The following RELN variants were observed in gnomAD, a reference collection of about 807,000 sequenced individuals.
RELN encodes the protein reelin.
A neutral mutation model predicts 427.6 loss-of-function variants in RELN; 108 were observed. That is an observed-to-expected ratio of 0.25 (90% CI 0.22 to 0.30). The LOEUF (loss-of-function observed/expected upper bound fraction) is 0.30, where lower values mean the gene tolerates loss of function less well. Ranked by LOEUF, RELN falls within the 10% of genes least tolerant of loss-of-function variation. The pLI, the probability that RELN is intolerant of heterozygous loss-of-function variation, is 1.00. For synonymous variants in RELN, 1,524 were observed against 1,513.4 expected, an observed-to-expected ratio of 1.01 and a Z score of -0.16; for missense variants, 3,715 against 4,302.8, an observed-to-expected ratio of 0.86 and a Z score of 3.82.
At chr7:103,743,473 G>A (rs908258513) in intron 6 of RELN, among the ~76,000 whole-genome samples, 6 of 152,126 alleles carry the variant, frequency 3.9e-5, no homozygotes, top group African/African-American at 1.4e-4. Flanking sequence ...CTGGCAAATT[G>A]GATAAAGACT....
At chr7:103,652,322 A>T (rs1257706442) in intron 14 of RELN, among the ~76,000 whole-genome samples, 1 of 151,400 alleles carries the variant, frequency 6.6e-6, no homozygotes, top group Non-Finnish European at 1.5e-5. Flanking sequence ...AACACCTCTG[A>T]TACCTAAGAT....
chr7:103,562,788 A>C (rs1388905572), intron 34 of RELN, among the ~76,000 whole-genome samples: 1 of 152,172 alleles, frequency 6.6e-6, no homozygotes, highest in Non-Finnish European at 1.5e-5. Context: ...TAATCACAGC[A>C]ACACTGTTTA....
chr7:103,823,885 TA>T (rs71154372), intron 3 of RELN, among the ~76,000 whole-genome samples: 77,280 of 151,784 alleles, frequency 0.51, 19,972 homozygotes, highest in Admixed American at 0.6. Context: ...ACTGCATTTT[TA>T]AAAAATTTAT....
chr7:103,655,709 G>A (rs962525175), intron 12 of RELN, among the ~76,000 whole-genome samples: 17 of 152,050 alleles, frequency 1.1e-4, no homozygotes, highest in African/African-American at 4.1e-4. Flanking sequence ...AGATATCAGA[G>A]GGCAAGACTT....
intron 1 of RELN, among the ~76,000 whole-genome samples, chr7:103,970,661 C>T (rs1203973975): frequency 6.6e-6 from 1 of 152,026 alleles, no homozygotes; most frequent in Non-Finnish European, 1.5e-5. Context: ...CGTTAATGAA[C>T]CAACAACATA....
intron 52 of RELN, 40 bp downstream of exon 52, chr7:103,502,976 G>C (rs754558037): frequency 6.5e-7 from 1 of 1,532,904 alleles, no homozygotes; most frequent in South Asian, 1.1e-5. Flanking sequence ...TGTACCTTCT[G>C]GATGCTTGGA....
intron 2 of RELN, among the ~76,000 whole-genome samples, chr7:103,842,028 C>A (rs1793563388): frequency 6.6e-6 from 1 of 151,764 alleles, no homozygotes; most frequent in African/African-American, 2.4e-5. Flanking sequence ...AAAAATATAA[C>A]CCCATATATA....
intron 22 of RELN, among the ~76,000 whole-genome samples, chr7:103,606,949 C>A (rs566626283): frequency 6.6e-6 from 1 of 151,764 alleles, no homozygotes; most frequent in African/African-American, 2.4e-5. Flanking sequence ...TTTGTCCTTG[C>A]GATAGTTTGC....
At chr7:103,772,852 T>C (rs1446225825) in intron 4 of RELN, among the ~76,000 whole-genome samples, 1 of 152,250 alleles carries the variant, frequency 6.6e-6, no homozygotes, top group Non-Finnish European at 1.5e-5. Context: ...TGATAAGCAG[T>C]AGGAATTTCA....
intron 4 of RELN, among the ~76,000 whole-genome samples, chr7:103,776,247 A>C (rs766916824): frequency 6.6e-6 from 1 of 152,238 alleles, no homozygotes; most frequent in Non-Finnish European, 1.5e-5. Flanking sequence ...TAAGTGGTAA[A>C]TTAAGCAGAC....
At chr7:103,480,346 CTATTA>C (rs1375318826) in intron 63 of RELN, among the ~76,000 whole-genome samples, 1 of 152,136 alleles carries the variant, frequency 6.6e-6, no homozygotes, top group Admixed American at 6.5e-5. Flanking sequence ...CTCTGGAAAA[CTATTA>C]TATTTAATTT....
intron 48 of RELN, among the ~76,000 whole-genome samples, chr7:103,520,957 A>ATT (rs55830035): frequency 0.018 from 1,434 of 79,094 alleles, 234 homozygotes; most frequent in African/African-American, 0.06. Flanking sequence ...TAAATTTGTT[A>ATT]TTTTTTTTTT....
intron 3 of RELN, among the ~76,000 whole-genome samples, chr7:103,821,899 C>A (rs181393546): frequency 6.6e-6 from 1 of 152,220 alleles, no homozygotes; most frequent in Admixed American, 6.6e-5. Flanking sequence ...ATAATCCCTT[C>A]TATAAATACT....
intron 28 of RELN, among the ~76,000 whole-genome samples, chr7:103,580,205 A>G (rs1422508811): frequency 6.6e-6 from 1 of 152,260 alleles, no homozygotes; most frequent in Non-Finnish European, 1.5e-5. Context: ...AACACTTAGA[A>G]TTCTCAGTTT....
chr7:103,545,089 C>G, intron 42 of RELN, 35 bp downstream of exon 42: 2 of 1,551,638 alleles, frequency 1.3e-6, no homozygotes, highest in Non-Finnish European at 1.8e-6. Flanking sequence ...TAAGTTCTTT[C>G]ACAAGACTAC....
At chr7:103,524,022 C>A (rs550906684) in intron 46 of RELN, among the ~76,000 whole-genome samples, 1 of 152,280 alleles carries the variant, frequency 6.6e-6, no homozygotes, top group East Asian at 1.9e-4. Flanking sequence ...TATAGTCAAA[C>A]CAAACCAACC....
chr7:103,655,104 G>A (rs754514635), intron 12 of RELN, among the ~76,000 whole-genome samples: 3 of 151,946 alleles, frequency 2.0e-5, no homozygotes, highest in South Asian at 2.1e-4. Context: ...GAGCCACCAC[G>A]CCTAGTCCCA....
chr7:103,516,392 T>A (rs1431612719), intron 49 of RELN, among the ~76,000 whole-genome samples: 1 of 151,856 alleles, frequency 6.6e-6, no homozygotes, highest in African/African-American at 2.4e-5. Flanking sequence ...TGCAAGCAAT[T>A]CTCCTGCCTC....
chr7:103,927,310 T>C (rs944178248), intron 1 of RELN, among the ~76,000 whole-genome samples: 2 of 152,186 alleles, frequency 1.3e-5, no homozygotes, highest in Non-Finnish European at 2.9e-5. Flanking sequence ...CTGTCCCTTT[T>C]AGAAGACTCT....
Sources: gnomAD v4.1 joint callset for allele counts (sites outside exome capture counted in the v4.1 genomes callset) on GRCh38, gnomAD v4.1.1 for gene constraint, MANE v1.5 for transcripts, NCBI Gene and HGNC (gene_info 2026-07-23, HGNC 2026-07-21) for gene names.